The following ADARB2 variants were observed in gnomAD, a reference collection of about 807,000 sequenced individuals.
ADARB2 encodes adenosine deaminase RNA specific B2 (inactive).
In ADARB2, 25 loss-of-function variants were observed where a neutral mutation model predicts 62.2. That is an observed-to-expected ratio of 0.40 (90% CI 0.29 to 0.56). The LOEUF (loss-of-function observed/expected upper bound fraction) is 0.56, where lower values mean the gene tolerates loss of function less well. Among genes scored for constraint, ADARB2 ranks in the 20% least tolerant of loss-of-function variants. The pLI is 0.43. For synonymous variants in ADARB2, 572 were observed against 500.8 expected, an observed-to-expected ratio of 1.14 and a Z score of -1.90; for missense variants, 1,071 against 1,077.4, an observed-to-expected ratio of 0.99 and a Z score of 0.08.
At chr10:1,535,455 T>C (rs1022746089) in intron 1 of ADARB2, 2 of 157,272 alleles carry the variant, frequency 1.3e-5, no homozygotes, top group African/African-American at 4.8e-5. Flanking sequence ...TTCTTAGATT[T>C]GCTCGTGCAC....
intron 1 of ADARB2, among the ~76,000 whole-genome samples, chr10:1,385,052 T>G (rs1404147337): frequency 6.6e-6 from 1 of 152,190 alleles, no homozygotes; most frequent in Non-Finnish European, 1.5e-5. Flanking sequence ...GCCGTGAACA[T>G]GCGCTAACAA....
intron 1 of ADARB2, among the ~76,000 whole-genome samples, chr10:1,625,250 T>C (rs1050390284): frequency 3.9e-5 from 6 of 152,228 alleles, no homozygotes; most frequent in African/African-American, 1.4e-4. Context: ...AGTCCAGGCC[T>C]GTGCGGAGCC....
intron 1 of ADARB2, among the ~76,000 whole-genome samples, chr10:1,496,133 G>C (rs989110474): frequency 6.9e-6 from 1 of 145,454 alleles, no homozygotes; most frequent in Non-Finnish European, 1.5e-5. Flanking sequence ...CGTTATCTTA[G>C]TCATCATAAT....
chr10:1,547,197 TGTGGGG>T (rs1832534736), intron 1 of ADARB2, among the ~76,000 whole-genome samples: 1 of 147,946 alleles, frequency 6.8e-6, no homozygotes, highest in African/African-American at 2.6e-5. Flanking sequence ...GTGTATACAC[TGTGGGG>T]AGGGGGAGAG....
At chr10:1,194,771 T>A (rs1294552795) in intron 8 of ADARB2, among the ~76,000 whole-genome samples, 1 of 152,204 alleles carries the variant, frequency 6.6e-6, no homozygotes, top group Non-Finnish European at 1.5e-5. Context: ...TCTCTCCCCC[T>A]AAGTGTTCCA....
chr10:1,650,322 G>A (rs1351299073), intron 1 of ADARB2, among the ~76,000 whole-genome samples: 2 of 152,186 alleles, frequency 1.3e-5, no homozygotes, highest in East Asian at 3.9e-4. Context: ...GGGTTTGCAA[G>A]GGGAGCCTCC....
intron 1 of ADARB2, among the ~76,000 whole-genome samples, chr10:1,719,683 A>G (rs1052571767): frequency 1.3e-5 from 2 of 152,248 alleles, no homozygotes; most frequent in Non-Finnish European, 2.9e-5. Context: ...AGGAACCTAA[A>G]TAAATCAACA....
intron 8 of ADARB2, among the ~76,000 whole-genome samples, chr10:1,194,432 A>G (rs755498545): frequency 6.6e-6 from 1 of 152,188 alleles, no homozygotes; most frequent in South Asian, 2.1e-4. Flanking sequence ...GCCAGCCTAC[A>G]CGATTGCATG....
intron 1 of ADARB2, among the ~76,000 whole-genome samples, chr10:1,491,140 A>G (rs193233241): frequency 1.3e-5 from 2 of 152,172 alleles, no homozygotes; most frequent in African/African-American, 2.4e-5. Context: ...TGGCATGATC[A>G]TGGCTCACAC....
rs143822275 is a variant in ADARB2, at chr10:1,233,817, T to G, written c.1390A>C (p.Ile464Leu). The change falls in exon 6 of 10, where the codon ATA becomes CTA. Residue 464 changes from isoleucine to leucine, a missense_variant. Physicochemically the swap from Ile to Leu is conservative, Grantham distance 5. Coordinates refer to ENST00000381312, the MANE Select transcript of ADARB2 (RefSeq NM_018702.4). ...SKRREDSERSIFVRLKEGGYR... is the reference protein window; with the variant it reads ...SKRREDSERSLFVRLKEGGYR... ...CCACCTTCTTTTAACCGCACGAATATCGATCGCTCTGAGTCCTCGCGCCGC... is the reference window on the plus strand; with the variant it reads ...CCACCTTCTTTTAACCGCACGAATAGCGATCGCTCTGAGTCCTCGCGCCGC... 18 of 1,613,842 alleles carry G rather than the reference T, an allele frequency of 1.1e-5. No homozygotes were observed. In the African/African-American group the frequency reaches 2.4e-4, roughly 22 times the overall value.
intron 4 of ADARB2, among the ~76,000 whole-genome samples, chr10:1,259,785 C>T: frequency 6.6e-6 from 1 of 152,200 alleles, no homozygotes; most frequent in East Asian, 1.9e-4. Context: ...AGGGACTCCT[C>T]CCTAACTCAT....
At chr10:1,185,228 C>T (rs951608983) in intron 8 of ADARB2, among the ~76,000 whole-genome samples, 189 bp from the exon 9 acceptor site, 3 of 152,318 alleles carry the variant, frequency 2.0e-5, no homozygotes, top group South Asian at 2.1e-4. Context: ...TCGTGGTGGC[C>T]GCCTCGGGTC....
intron 1 of ADARB2, among the ~76,000 whole-genome samples, chr10:1,651,818 C>T (rs1361458065): frequency 7.8e-6 from 1 of 128,584 alleles, no homozygotes; most frequent in Non-Finnish European, 1.7e-5. Context: ...ATCACACAGG[C>T]CCAGGGCCCC....
chr10:1,422,001 G>A (rs1170053642), intron 1 of ADARB2, among the ~76,000 whole-genome samples: 2 of 152,202 alleles, frequency 1.3e-5, no homozygotes, highest in East Asian at 1.9e-4. Context: ...CAGAGTGGCA[G>A]GCTTGAGGTG....
chr10:1,626,583 G>C (rs773546988), intron 1 of ADARB2, among the ~76,000 whole-genome samples: 43 of 152,126 alleles, frequency 2.8e-4, no homozygotes, highest in Non-Finnish European at 5.4e-4. Context: ...CAGGCCATCC[G>C]TGAGGCAGAC....
intron 4 of ADARB2, among the ~76,000 whole-genome samples, chr10:1,251,163 AAAACTTGG>A (rs138704306): frequency 0.027 from 4,109 of 152,338 alleles, 171 homozygotes; most frequent in African/African-American, 0.093. Flanking sequence ...CATAATTGCC[AAAACTTGG>A]AAACAAGCAA....
intron 1 of ADARB2, among the ~76,000 whole-genome samples, chr10:1,401,402 C>A (rs1335896648): frequency 6.6e-6 from 1 of 152,212 alleles, no homozygotes; most frequent in Non-Finnish European, 1.5e-5. Flanking sequence ...TCAGAGAAGA[C>A]AGCTGGGTTC....
At chr10:1,638,059 A>G (rs780536669) in intron 1 of ADARB2, among the ~76,000 whole-genome samples, 1 of 152,214 alleles carries the variant, frequency 6.6e-6, no homozygotes, top group Non-Finnish European at 1.5e-5. Context: ...TGTTTTCCAC[A>G]TGGAGGAAAC....
At chr10:1,260,100 AC>A (rs1284166417) in intron 4 of ADARB2, among the ~76,000 whole-genome samples, 2 of 138,112 alleles carry the variant, frequency 1.4e-5, no homozygotes, top group South Asian at 2.7e-4. Flanking sequence ...AAATTAAACA[AC>A]CCTTCATGCT....
Sources: gnomAD v4.1 joint callset for allele counts (sites outside exome capture counted in the v4.1 genomes callset) on GRCh38, gnomAD v4.1.1 for gene constraint, MANE v1.5 for transcripts, NCBI Gene and HGNC (gene_info 2026-07-23, HGNC 2026-07-21) for gene names.